The following CADPS2 variants were observed in gnomAD, a reference collection of about 807,000 sequenced individuals.
CADPS2 encodes calcium dependent secretion activator 2, also known as calcium-dependent secretion activator 2.
A neutral mutation model predicts 172.5 loss-of-function variants in CADPS2; 93 were observed. That is an observed-to-expected ratio of 0.54 (90% CI 0.46 to 0.64). CADPS2 has a LOEUF of 0.64. Among genes scored for constraint, CADPS2 ranks in the 30% least tolerant of loss-of-function variants. The pLI is 0.00. For missense variants in CADPS2, 1,420 were observed against 1,565.9 expected, an observed-to-expected ratio of 0.91 and a Z score of 1.57; for synonymous variants, 546 against 555.2, an observed-to-expected ratio of 0.98 and a Z score of 0.23.
At chr7:122,575,700 G>A (rs898336425) in intron 7 of CADPS2, among the ~76,000 whole-genome samples, 6 of 152,144 alleles carry the variant, frequency 3.9e-5, no homozygotes, top group Non-Finnish European at 8.8e-5. Flanking sequence ...GCCTCCCAAA[G>A]TGTTGGGATT....
intron 3 of CADPS2, among the ~76,000 whole-genome samples, chr7:122,648,887 C>G (rs1342956178): frequency 6.6e-6 from 1 of 152,116 alleles, no homozygotes; most frequent in Non-Finnish European, 1.5e-5. Context: ...TACAGCAGAA[C>G]AATGCGTAGT....
At chr7:122,593,163 T>C (rs2071164929) in intron 6 of CADPS2, among the ~76,000 whole-genome samples, 1 of 151,982 alleles carries the variant, frequency 6.6e-6, no homozygotes, top group Non-Finnish European at 1.5e-5. Flanking sequence ...CACTGTCATT[T>C]AAGACATCAA....
chr7:122,522,724 C>G (rs1255142888), intron 8 of CADPS2, among the ~76,000 whole-genome samples: 2 of 133,786 alleles, frequency 1.5e-5, no homozygotes, highest in Non-Finnish European at 3.2e-5. Flanking sequence ...TCCTCCCCAT[C>G]CCCCACCCCC....
chr7:122,791,832 T>C (rs1033137026), intron 1 of CADPS2, among the ~76,000 whole-genome samples: 2 of 152,182 alleles, frequency 1.3e-5, no homozygotes, highest in South Asian at 4.1e-4. Flanking sequence ...ATACATTTTA[T>C]CTCAATTATC....
At chr7:122,417,900 A>C (rs890340038) in intron 17 of CADPS2, among the ~76,000 whole-genome samples, 11 of 152,190 alleles carry the variant, frequency 7.2e-5, no homozygotes, top group Admixed American at 2.6e-4. Flanking sequence ...TTTTGGAGGA[A>C]GGTGGTAATA....
chr7:122,424,419 A>G (rs2048896589), intron 17 of CADPS2: 1 of 681,052 alleles, frequency 1.5e-6, no homozygotes, highest in Non-Finnish European at 1.8e-6. Context: ...GACCAATGAC[A>G]GCTGGGCTGA....
At chr7:122,862,742 A>C (rs1817275918) in intron 1 of CADPS2, among the ~76,000 whole-genome samples, 1 of 152,152 alleles carries the variant, frequency 6.6e-6, no homozygotes, top group Non-Finnish European at 1.5e-5. Context: ...TAAAAAAAAA[A>C]GAATAACCCT....
At chr7:122,668,401 T>TA (rs1564012790) in intron 2 of CADPS2, among the ~76,000 whole-genome samples, 153 of 48,670 alleles carry the variant, frequency 3.1e-3, no homozygotes, top group African/African-American at 0.019. Flanking sequence ...CAAAGTATGG[T>TA]TAAAAAAAAA....
intron 1 of CADPS2, among the ~76,000 whole-genome samples, chr7:122,776,918 A>G (rs1298790094): frequency 1.3e-5 from 2 of 152,150 alleles, no homozygotes; most frequent in Admixed American, 1.3e-4. Context: ...TGGGAGACAG[A>G]GGCAGGACGA....
At chr7:122,812,421 A>G (rs537559280) in intron 1 of CADPS2, among the ~76,000 whole-genome samples, 298 of 145,588 alleles carry the variant, frequency 2.0e-3, no homozygotes, top group African/African-American at 7.5e-3. Context: ...AAAAAAAAAA[A>G]AGAGAGAGAG....
intron 2 of CADPS2, among the ~76,000 whole-genome samples, chr7:122,703,385 A>G (rs558542780): frequency 6.6e-6 from 1 of 152,254 alleles, no homozygotes; most frequent in Admixed American, 6.5e-5. Flanking sequence ...ATGGTTCAAC[A>G]CTACCCAGTA....
At chr7:122,732,863 A>G (rs1437177437) in intron 2 of CADPS2, among the ~76,000 whole-genome samples, 1 of 145,372 alleles carries the variant, frequency 6.9e-6, no homozygotes, top group Non-Finnish European at 1.5e-5. Context: ...ATATTATATG[A>G]TATACATTAT....
At chr7:122,865,270 C>A (rs542569430) in intron 1 of CADPS2, among the ~76,000 whole-genome samples, 1 of 152,310 alleles carries the variant, frequency 6.6e-6, no homozygotes, top group South Asian at 2.1e-4. Flanking sequence ...TTGCCAGCAC[C>A]ATGCTTCTTG....
At chr7:122,617,763 G>A (rs1317481517) in intron 5 of CADPS2, among the ~76,000 whole-genome samples, 1 of 152,148 alleles carries the variant, frequency 6.6e-6, no homozygotes, top group African/African-American at 2.4e-5. Context: ...TCAACTATAA[G>A]CCGGGCACAG....
At chr7:122,865,248 G>C (rs1817999914) in intron 1 of CADPS2, among the ~76,000 whole-genome samples, 1 of 152,184 alleles carries the variant, frequency 6.6e-6, no homozygotes, top group African/African-American at 2.4e-5. Context: ...ACTCTCACCA[G>C]TTGCCAGCGC....
At chr7:122,867,568 C>T (rs1384763876) in intron 1 of CADPS2, among the ~76,000 whole-genome samples, 1 of 152,164 alleles carries the variant, frequency 6.6e-6, no homozygotes, top group African/African-American at 2.4e-5. Flanking sequence ...ATCACCATGC[C>T]TGAGGAATGG....
intron 1 of CADPS2, among the ~76,000 whole-genome samples, chr7:122,885,727 G>A (rs1824177340): frequency 6.6e-6 from 1 of 152,128 alleles, no homozygotes; most frequent in Non-Finnish European, 1.5e-5. Flanking sequence ...GTGCAACCGC[G>A]GCGCGGCCGG....
intron 7 of CADPS2, among the ~76,000 whole-genome samples, chr7:122,578,721 T>G (rs1011228568): frequency 2.0e-5 from 3 of 152,172 alleles, no homozygotes; most frequent in African/African-American, 7.2e-5. Flanking sequence ...TGATTTGTTT[T>G]GAATTTTAAA....
intron 9 of CADPS2, 150 bp from the exon 10 acceptor site, chr7:122,491,570 C>G (rs1372110874): frequency 1.8e-6 from 1 of 546,124 alleles, no homozygotes; most frequent in Non-Finnish European, 3.2e-6. Context: ...CAAAACCTAG[C>G]TCAGAGATTC....
Sources: allele counts gnomAD v4.1 joint callset (sites outside exome capture counted in the v4.1 genomes callset), GRCh38; gene constraint gnomAD v4.1.1; transcripts MANE v1.5; gene names NCBI Gene and HGNC (gene_info 2026-07-23, HGNC 2026-07-21).